APBB1IP: variants seen among roughly 807,000 people sequenced by gnomAD.
APBB1IP encodes amyloid beta precursor protein binding family B member 1 interacting protein, also known as amyloid beta A4 precursor protein-binding family B member 1-interacting protein.
A neutral mutation model predicts 64.9 loss-of-function variants in APBB1IP; 27 were observed. That is an observed-to-expected ratio of 0.42 (90% CI 0.31 to 0.57). The LOEUF (loss-of-function observed/expected upper bound fraction) is 0.57. Among genes scored for constraint, APBB1IP ranks in the 20% least tolerant of loss-of-function variants. The probability of loss-of-function intolerance (pLI) is 0.20; values close to 1 mark genes in which losing one functional copy is unlikely to be tolerated. For synonymous variants in APBB1IP, 392 were observed against 331.0 expected, an observed-to-expected ratio of 1.18 and a Z score of -2.00; for missense variants, 812 against 845.5, an observed-to-expected ratio of 0.96 and a Z score of 0.49.
At chr10:26,504,556 A>G (rs572043713) in intron 6 of APBB1IP, among the ~76,000 whole-genome samples, 377 of 152,206 alleles carry the variant, frequency 2.5e-3, no homozygotes, top group African/African-American at 8.0e-3. Context: ...CTAAAAGTAC[A>G]AAAATTAGCT....
intron 2 of APBB1IP, among the ~76,000 whole-genome samples, chr10:26,470,767 C>T (rs576584858): frequency 6.6e-6 from 1 of 152,262 alleles, no homozygotes; most frequent in South Asian, 2.1e-4. Context: ...CAATAGTCAA[C>T]GTCCTGCTTC....
At chr10:26,488,709 C>A (rs546642541) in intron 2 of APBB1IP, among the ~76,000 whole-genome samples, 2 of 152,350 alleles carry the variant, frequency 1.3e-5, no homozygotes, top group South Asian at 4.1e-4. Context: ...TTAATCCCAA[C>A]AATACACACA....
chr10:26,550,152 C>T (rs1392225760), intron 11 of APBB1IP, among the ~76,000 whole-genome samples: 2 of 150,150 alleles, frequency 1.3e-5, no homozygotes, highest in African/African-American at 4.9e-5. Flanking sequence ...GTGTTATTTG[C>T]TTTTTTTTTC....
At chr10:26,562,033 A>G in intron 13 of APBB1IP, 2 of 275,102 alleles carry the variant, frequency 7.3e-6, no homozygotes, top group Non-Finnish European at 1.4e-5. Context: ...GTTAGTCCAG[A>G]CCCTCCTCAG....
At chr10:26,461,303 T>A (rs191984002) in intron 2 of APBB1IP, among the ~76,000 whole-genome samples, 1 of 152,286 alleles carries the variant, frequency 6.6e-6, no homozygotes, top group East Asian at 1.9e-4. Flanking sequence ...CATATGGCAA[T>A]GAGGATAGGG....
chr10:26,525,024 C>T (rs180794598), intron 8 of APBB1IP, among the ~76,000 whole-genome samples: 33 of 138,114 alleles, frequency 2.4e-4, no homozygotes, highest in African/African-American at 6.9e-4. Flanking sequence ...CACAGTGGCT[C>T]ACACCTGTAA....
At chr10:26,480,895 T>C (rs1253330222) in intron 2 of APBB1IP, among the ~76,000 whole-genome samples, 1 of 152,130 alleles carries the variant, frequency 6.6e-6, no homozygotes, top group African/African-American at 2.4e-5. Context: ...AGGACTTTTG[T>C]TTCTAAAAAG....
chr10:26,467,490 A>G (rs1006724662), intron 2 of APBB1IP, among the ~76,000 whole-genome samples: 1 of 152,214 alleles, frequency 6.6e-6, no homozygotes, highest in African/African-American at 2.4e-5. Context: ...AATTGTGTTC[A>G]AGACCAGCCT....
chr10:26,497,771 G>C (rs1836045575), intron 4 of APBB1IP, among the ~76,000 whole-genome samples: 1 of 134,292 alleles, frequency 7.4e-6, no homozygotes, highest in Non-Finnish European at 1.6e-5. Flanking sequence ...CTGTCACCTA[G>C]GCTGGAGTGC....
chr10:26,560,706 T>A, intron 12 of APBB1IP, 24 bp from the exon 13 acceptor site: 1 of 1,531,912 alleles, frequency 6.5e-7, no homozygotes, highest in Non-Finnish European at 8.8e-7. Context: ...TTCCTTTCCT[T>A]CTTCCTTTGT....
At chr10:26,495,045 G>A (rs1328357619) in intron 3 of APBB1IP, among the ~76,000 whole-genome samples, 1 of 146,806 alleles carries the variant, frequency 6.8e-6, no homozygotes, top group Admixed American at 6.9e-5. Context: ...GTCTCACTCT[G>A]TCACCAGGCT....
At chr10:26,500,037 C>A (rs752589703) in intron 4 of APBB1IP, among the ~76,000 whole-genome samples, 15 of 151,654 alleles carry the variant, frequency 9.9e-5, no homozygotes, top group Non-Finnish European at 2.1e-4. Context: ...ATGACAAAAC[C>A]CTGTCTCTAC....
intron 2 of APBB1IP, among the ~76,000 whole-genome samples, chr10:26,474,149 C>T (rs1427518794): frequency 6.6e-6 from 1 of 151,900 alleles, no homozygotes; most frequent in South Asian, 2.1e-4. Context: ...AAACAACTAC[C>T]AGTTCTAGCG....
At chr10:26,524,687 T>C (rs1292923217) in intron 8 of APBB1IP, among the ~76,000 whole-genome samples, 1 of 152,114 alleles carries the variant, frequency 6.6e-6, no homozygotes, top group Non-Finnish European at 1.5e-5. Context: ...GAGTTAGCAA[T>C]TGGTTGAAAG....
intron 13 of APBB1IP, among the ~76,000 whole-genome samples, chr10:26,561,064 C>CTTTCTTTTTTTTTT (rs1218039459): frequency 5.1e-4 from 35 of 69,222 alleles, no homozygotes; most frequent in Non-Finnish European, 7.9e-4. Flanking sequence ...TTCTTTCTTT[C>CTTTCTTTTTTTTTT]TTTTTTTTTT....
At chr10:26,518,343 G>C (rs1341434736) in intron 8 of APBB1IP, among the ~76,000 whole-genome samples, 2 of 151,410 alleles carry the variant, frequency 1.3e-5, no homozygotes, top group African/African-American at 2.4e-5. Context: ...CACCTCCCTG[G>C]CTCAAGTGAT....
At chr10:26,551,245 G>T (rs1234179322) in intron 11 of APBB1IP, among the ~76,000 whole-genome samples, 1 of 152,178 alleles carries the variant, frequency 6.6e-6, no homozygotes, top group Admixed American at 6.5e-5. Context: ...TTGGTACTTG[G>T]TACTCACAGT....
intron 2 of APBB1IP, among the ~76,000 whole-genome samples, chr10:26,464,279 C>G (rs2132408881): frequency 6.6e-6 from 1 of 152,304 alleles, no homozygotes; most frequent in South Asian, 2.1e-4. Context: ...GTCACCCCCA[C>G]TATTTGGAAC....
At chr10:26,455,445 T>G (rs1835513056) in intron 2 of APBB1IP, among the ~76,000 whole-genome samples, 1 of 151,850 alleles carries the variant, frequency 6.6e-6, no homozygotes, top group Non-Finnish European at 1.5e-5. Context: ...GGAGAATTGC[T>G]TGAACCCAGG....
Sources: allele counts gnomAD v4.1 joint callset (sites outside exome capture counted in the v4.1 genomes callset), GRCh38; gene constraint gnomAD v4.1.1; transcripts MANE v1.5; gene names NCBI Gene and HGNC (gene_info 2026-07-23, HGNC 2026-07-21).